TRIM66: variants seen among roughly 807,000 people sequenced by gnomAD.
The protein encoded by TRIM66 is tripartite motif containing 66.
TRIM66 carries 99 observed loss-of-function variants against 148.2 expected under a neutral mutation model. That is an observed-to-expected ratio of 0.67 (90% CI 0.57 to 0.79). The LOEUF (loss-of-function observed/expected upper bound fraction) is 0.79, where lower values mean the gene tolerates loss of function less well. TRIM66 is among the 30% of genes least tolerant of loss of function. The probability of loss-of-function intolerance (pLI) is 0.00; values close to 1 mark genes in which losing one functional copy is unlikely to be tolerated. For missense variants in TRIM66, 1,666 were observed against 1,697.9 expected, an observed-to-expected ratio of 0.98 and a Z score of 0.33; for synonymous variants, 616 against 635.9, an observed-to-expected ratio of 0.97 and a Z score of 0.47.
At chr11:8,625,463 T>TTGTGTGTGTGTGTGTGTGTGTGTGTGTG (rs147088164) in intron 15 of TRIM66, among the ~76,000 whole-genome samples, 2 of 148,250 alleles carry the variant, frequency 1.3e-5, no homozygotes, top group East Asian at 2.1e-4. Flanking sequence ...CGGAGAACTA[T>TTGTGTGTGTGTGTGTGTGTGTGTGTGTG]TGTGTGTGTG....
At chr11:8,649,911 T>C (rs1480853858) in intron 7 of TRIM66, 24 bp from the exon 8 acceptor site, 2 of 1,544,756 alleles carry the variant, frequency 1.3e-6, no homozygotes, top group Non-Finnish European at 1.8e-6. Context: ...GTTCTGGAGT[T>C]ACTGATGTTA....
At chr11:8,658,876 C>A in intron 6 of TRIM66, 1 of 887,842 alleles carries the variant, frequency 1.1e-6, no homozygotes, top group Non-Finnish European at 1.3e-6. Flanking sequence ...CACCTGAAGT[C>A]CTTATCCTGT....
chr11:8,680,501 GA>G (rs1228268092), intron 1 of TRIM66, among the ~76,000 whole-genome samples: 2 of 152,164 alleles, frequency 1.3e-5, no homozygotes, highest in Admixed American at 6.5e-5. Context: ...GGGAGATACA[GA>G]AACAAAAGGA....
At chr11:8,668,107 C>T (rs1183629253) in intron 6 of TRIM66, among the ~76,000 whole-genome samples, 3 of 152,144 alleles carry the variant, frequency 2.0e-5, no homozygotes, top group Non-Finnish European at 1.5e-5. Flanking sequence ...TGTTTGATAG[C>T]CATCCTAATG....
intron 15 of TRIM66, among the ~76,000 whole-genome samples, chr11:8,636,333 C>T (rs2035876656): frequency 6.6e-6 from 1 of 152,106 alleles, no homozygotes; most frequent in African/African-American, 2.4e-5. Context: ...ACTGCAATGC[C>T]ATGGTCTTCA....
At chr11:8,678,107 T>A (rs1210928991) in intron 3 of TRIM66, 1 of 152,138 alleles carries the variant, frequency 6.6e-6, no homozygotes, top group African/African-American at 2.4e-5. Context: ...CATAGTAACA[T>A]AAAATGAATC....
chr11:8,648,521 G>T lies in TRIM66; in HGVS notation c.620C>A (p.Thr207Asn). 1 of 1,551,700 alleles carries T rather than the reference G, an allele frequency of 6.4e-7. No homozygotes were observed. The highest frequency in any genetic ancestry group is 8.7e-7 in the Non-Finnish European group (1 of 1,147,000). ...CTGTGTGTGTAGAGGACAATACAAG[G>T]TGAAGTCTCCGGGACCACCATTCAC... ...PGVNGGPGDF[T>N]LYCPLHTQEV... The change falls in exon 9 of 25, where the codon ACC (threonine) becomes AAC (asparagine). Residue 207 changes from threonine (T) to asparagine (N), a missense_variant. Around this residue, in one of 3 missense-constraint regions of TRIM66, gnomAD observed 1,431 missense variants for 1,412.4 expected, o/e 1.01. Coordinates refer to ENST00000646038, the MANE Select transcript of TRIM66 (RefSeq NM_001388022.1).
intron 6 of TRIM66, among the ~76,000 whole-genome samples, chr11:8,666,383 CACATATTAT>C (rs1439090320): frequency 6.7e-6 from 1 of 149,514 alleles, no homozygotes; most frequent in East Asian, 2.0e-4. Context: ...TATAAGATGC[CACATATTAT>C]ACATATTATA....
intron 6 of TRIM66, chr11:8,658,805 G>C (rs550218863): frequency 2.2e-5 from 22 of 984,886 alleles, no homozygotes; most frequent in Non-Finnish European, 2.5e-5. Flanking sequence ...AGGAGGGTGT[G>C]GGGGGGCCTT....
At chr11:8,643,379 G>T (rs1400368651) in intron 12 of TRIM66, among the ~76,000 whole-genome samples, 1 of 146,850 alleles carries the variant, frequency 6.8e-6, no homozygotes, top group Non-Finnish European at 1.5e-5. Context: ...TCACTCTGTT[G>T]CCCAGGCTGG....
Position 8,622,877 on chromosome 11 carries a change from C to G in TRIM66, c.3020-1G>C. 1 of 1,551,926 alleles carries G rather than the reference C, an allele frequency of 6.4e-7. No homozygotes were observed. Among genetic ancestry groups the G allele is most frequent in the Non-Finnish European group, 8.7e-7 (1 of 1,147,028 alleles). On this transcript the variant is annotated splice_acceptor_variant, in intron 17 of 24. Coordinates refer to ENST00000646038, the MANE Select transcript of TRIM66 (RefSeq NM_001388022.1). LOFTEE classifies it high-confidence loss of function. ...GCTCCTTGTTCAAAATTCTCACACT[C>G]TAAGGCAAAAGACAAACAAATACCT...
chr11:8,644,115 G>C (rs2036640540), intron 12 of TRIM66, among the ~76,000 whole-genome samples: 1 of 152,164 alleles, frequency 6.6e-6, no homozygotes, highest in African/African-American at 2.4e-5. Context: ...CTCTTTCAGA[G>C]TATGTTGTTC....
At chr11:8,647,886 C>T (rs903859827) in intron 10 of TRIM66, 84 bp downstream of exon 10, 3 of 1,044,224 alleles carry the variant, frequency 2.9e-6, no homozygotes, top group Non-Finnish European at 4.4e-6. Context: ...TTCACAGGCA[C>T]TACATCTGAC....
intron 17 of TRIM66, 78 bp downstream of exon 17, chr11:8,624,281 G>A (rs2034593590): frequency 2.1e-6 from 3 of 1,454,660 alleles, no homozygotes; most frequent in Non-Finnish European, 2.8e-6. Context: ...TTGTCTGCTG[G>A]CCTCTCTTAC....
At chr11:8,665,680 A>G (rs1263281838) in intron 6 of TRIM66, among the ~76,000 whole-genome samples, 1 of 152,166 alleles carries the variant, frequency 6.6e-6, no homozygotes, top group African/African-American at 2.4e-5. Flanking sequence ...AAGTTAAGCC[A>G]GGCACGGTGG....
intron 10 of TRIM66, 137 bp downstream of exon 10, chr11:8,647,833 C>A: frequency 1.4e-6 from 1 of 703,786 alleles, no homozygotes; most frequent in Non-Finnish European, 2.4e-6. Context: ...AAGACATATG[C>A]CTTCTAGGAC....
intron 15 of TRIM66, among the ~76,000 whole-genome samples, chr11:8,627,719 C>T (rs538518479): frequency 3.4e-4 from 52 of 152,260 alleles, no homozygotes; most frequent in Non-Finnish European, 6.3e-4. Flanking sequence ...TATAGAAATA[C>T]AATTGATTTT....
chr11:8,645,099 A>C (rs1255492025), intron 12 of TRIM66, among the ~76,000 whole-genome samples: 1 of 151,548 alleles, frequency 6.6e-6, no homozygotes, highest in Non-Finnish European at 1.5e-5. Context: ...TGCTCCACAC[A>C]CTCTTCCAAG....
intron 6 of TRIM66, among the ~76,000 whole-genome samples, chr11:8,662,162 C>T (rs530548852): frequency 2.6e-5 from 4 of 152,280 alleles, no homozygotes; most frequent in Admixed American, 1.3e-4. Flanking sequence ...ACCTGGGAGA[C>T]TTGAGTTACT....
Sources: gnomAD v4.1 joint callset for allele counts (sites outside exome capture counted in the v4.1 genomes callset) on GRCh38, gnomAD v4.1.1 for gene constraint, gnomAD v4.1.1 regional missense constraint, MANE v1.5 for transcripts, NCBI Gene and HGNC (gene_info 2026-07-23, HGNC 2026-07-21) for gene names.